Variants in CDH5 observed in about 807,000 individuals in gnomAD.
CDH5 encodes cadherin-5.
Under a neutral mutation model 62.0 loss-of-function variants are expected in CDH5, and 28 were observed. That is an observed-to-expected ratio of 0.45 (90% confidence interval 0.33 to 0.62). The LOEUF is 0.62. CDH5 is among the 20% of genes least tolerant of loss of function. The pLI, the probability that CDH5 is intolerant of heterozygous loss-of-function variation, is 0.02. For synonymous variants in CDH5, 464 were observed against 445.8 expected, an observed-to-expected ratio of 1.04 and a Z score of -0.52; for missense variants, 940 against 1,065.1, an observed-to-expected ratio of 0.88 and a Z score of 1.63.
chr16:66,375,838 T>C (rs984853189), intron 1 of CDH5, among the ~76,000 whole-genome samples: 1 of 148,938 alleles, frequency 6.7e-6, no homozygotes, highest in Admixed American at 6.7e-5. Context: ...CCGGCTACGG[T>C]GGCTCACGCC....
In CDH5 at chr16:66,404,123, C is replaced by T. The variant is rs1206106750; in HGVS notation, c.*954C>T. The T allele has an allele frequency of 6.6e-6, 1 of 152,640 alleles. No homozygotes were observed. Among genetic ancestry groups the T allele is most frequent in the Non-Finnish European group, 1.5e-5 (1 of 68,090 alleles). The allele number at this position is 152,640 out of a possible 1,614,324, so 9.5% of individuals were successfully genotyped here. On this transcript the variant is annotated 3_prime_UTR_variant, in exon 12 of 12. Transcript: ENST00000341529. ...ATGCTCTCTTTCTTTTCTCTGTCTA[C>T]TCCTTATCCCTTGGTTTAGAGGAAC...
At chr16:66,375,733 A>T (rs1960773158) in intron 1 of CDH5, among the ~76,000 whole-genome samples, 1 of 151,952 alleles carries the variant, frequency 6.6e-6, no homozygotes, top group Admixed American at 6.6e-5. Flanking sequence ...AAATTTACTT[A>T]AAAATATTTT....
rs1961326705 is a variant in CDH5 at position 66,403,118 on chromosome 16, G to C, written c.2304G>C (p.Lys768Asn). 6.2e-7 allele frequency: 1 copy of C among 1,613,550 alleles called. No individual in the cohort carries two copies. The highest frequency in any genetic ancestry group is 8.5e-7 in the Non-Finnish European group (1 of 1,179,954). The change falls in exon 12 of 12, where the codon AAG becomes AAC. Residue 768 changes from lysine (K) to asparagine (N), a missense_variant. Lys to Asn is a moderately conservative substitution (Grantham distance 94). Transcript: ENST00000341529. This position sits in a 1 kb window ranked among gnomAD's most constrained non-coding sequence, Gnocchi z 4.3. ...DFLNDWGPRF[K>N]MLAELYGSDP... Reference sequence around the variant, plus strand: ...TTAACGACTGGGGACCCAGGTTTAAGATGCTGGCTGAGCTGTACGGCTCGG... The same window carrying C: ...TTAACGACTGGGGACCCAGGTTTAACATGCTGGCTGAGCTGTACGGCTCGG...
intron 1 of CDH5, among the ~76,000 whole-genome samples, chr16:66,377,009 G>A (rs181344636): frequency 4.6e-5 from 7 of 152,240 alleles, no homozygotes; most frequent in Admixed American, 1.3e-4. Context: ...CCTGTTTCTC[G>A]TTTTCACTTC....
rs1174519256 is a variant in CDH5, at chr16:66,395,018, C to CTTTTTTT, written c.1218-1002_1218-996dup. ...GCACACACCACCACACCAGGCTAAT[C>CTTTTTTT]TTTTTTTTTTTTTTTTTTTTTTTTT... On this transcript the variant is annotated intron_variant, in intron 7 of 11. Transcript: ENST00000341529. Among the ~76,000 whole-genome samples the CTTTTTTT allele has an allele frequency of 3.8e-3, 52 of 13,804 alleles. 17 individuals are homozygous for CTTTTTTT. Among genetic ancestry groups the CTTTTTTT allele is most frequent in the Non-Finnish European group, 4.3e-3 (28 of 6,522 alleles). 9.1% of individuals were successfully genotyped at this position (13,804 alleles called of 152,430 possible).
chr16:66,402,506 G>C, intron 11 of CDH5, 146 bp from the exon 12 acceptor site: 1 of 644,268 alleles, frequency 1.6e-6, no homozygotes, highest in East Asian at 2.9e-5. Flanking sequence ...AAAAGGATGG[G>C]GTTGCAGGGG....
At position 66,402,939 on chromosome 16, in the gene CDH5, A is replaced by G; in HGVS notation, c.2125A>G (p.Ile709Val). 1 of 1,612,452 alleles carries G rather than the reference A, an allele frequency of 6.2e-7. No individual in the cohort carries two copies. Among genetic ancestry groups the G allele is most frequent in the Non-Finnish European group, 8.5e-7 (1 of 1,179,874 alleles). ...HGGPGEMAAM[I>V]EVKKDEADHD... ...AGGGCCCGGGGAGATGGCAGCCATG[A>G]TCGAGGTGAAGAAGGACGAGGCGGA... Residue 709 changes from isoleucine (I) to valine (V), a missense_variant, in exon 12 of 12, where the codon ATC becomes GTC. Coordinates refer to ENST00000341529, the MANE Select transcript of CDH5 (RefSeq NM_001795.5).
At chr16:66,387,214 G>A (rs958514735) in intron 3 of CDH5, 117 bp downstream of exon 3, 1 of 922,640 alleles carries the variant, frequency 1.1e-6, no homozygotes, top group Non-Finnish European at 1.6e-6. Flanking sequence ...GGTAGTGATT[G>A]TAATGCCTGT....
At chr16:66,370,269 G>C (rs1183051107) in intron 1 of CDH5, among the ~76,000 whole-genome samples, 5 of 152,072 alleles carry the variant, frequency 3.3e-5, no homozygotes, top group African/African-American at 1.2e-4. Context: ...CAAAGTGCTG[G>C]GATTTACAGG....
chr16:66,369,544 T>C (rs1278499708), intron 1 of CDH5, among the ~76,000 whole-genome samples: 1 of 152,100 alleles, frequency 6.6e-6, no homozygotes, highest in Non-Finnish European at 1.5e-5. Flanking sequence ...CAGGTTCAAA[T>C]AGGCAGGTGC....
At chr16:66,399,739 A>G (rs928867944) in intron 10 of CDH5, among the ~76,000 whole-genome samples, 12 of 152,342 alleles carry the variant, frequency 7.9e-5, no homozygotes, top group African/African-American at 2.6e-4. Context: ...ACACCCATAT[A>G]CAATAGGAGG....
At chr16:66,382,675 G>A (rs1038880618) in intron 2 of CDH5, among the ~76,000 whole-genome samples, 1 of 152,198 alleles carries the variant, frequency 6.6e-6, no homozygotes, top group African/African-American at 2.4e-5. Context: ...TTTGCCAACA[G>A]CATTCACTTG....
chr16:66,397,640 C>T (rs940786251), intron 8 of CDH5, among the ~76,000 whole-genome samples: 3 of 151,908 alleles, frequency 2.0e-5, no homozygotes, highest in African/African-American at 7.3e-5. Context: ...AGGTTGTTTA[C>T]CTTTTCAATT....
chr16:66,377,292 G>A (rs1323092776), intron 1 of CDH5: 1 of 152,278 alleles, frequency 6.6e-6, no homozygotes, highest in South Asian at 2.1e-4. Context: ...GTCTCTTCCA[G>A]GTTGACCCCC....
At chr16:66,388,771 G>A (rs1480976110) in intron 4 of CDH5, among the ~76,000 whole-genome samples, 1 of 152,162 alleles carries the variant, frequency 6.6e-6, no homozygotes, top group Non-Finnish European at 1.5e-5. Flanking sequence ...AGCCAGCTCT[G>A]CCACTCACCC....
At chr16:66,397,557 T>C (rs1961207798) in intron 8 of CDH5, among the ~76,000 whole-genome samples, 1 of 152,178 alleles carries the variant, frequency 6.6e-6, no homozygotes. Flanking sequence ...AAGATGTAAG[T>C]GACATAGGCA....
rs749579320 is a variant in CDH5, at chr16:66,387,052, A to G, written c.454A>G (p.Thr152Ala). The change falls in exon 3 of 12, where the codon ACG (threonine) becomes GCG (alanine). Residue 152 changes from threonine to alanine, a missense_variant. Coordinates refer to ENST00000341529, the MANE Select transcript of CDH5 (RefSeq NM_001795.5). ...CGTGAACGACAACTGGCCTGTGTTC[A>G]CGCATCGGTTGTTCAATGCGTCCGT... ...HDVNDNWPVF[T>A]HRLFNASVPE... 1 of 1,614,094 alleles carries G rather than the reference A, an allele frequency of 6.2e-7. No homozygotes were observed. The highest frequency in any genetic ancestry group is 8.5e-7 in the Non-Finnish European group (1 of 1,179,996).
intron 1 of CDH5, among the ~76,000 whole-genome samples, chr16:66,371,241 C>T (rs147518830): frequency 6.6e-6 from 1 of 152,298 alleles, no homozygotes; most frequent in African/African-American, 2.4e-5. Flanking sequence ...TGGGTCCCAG[C>T]CCCAACCTGG....
At chr16:66,393,586 A>G (rs962413573) in intron 7 of CDH5, among the ~76,000 whole-genome samples, 1 of 152,186 alleles carries the variant, frequency 6.6e-6, no homozygotes, top group Non-Finnish European at 1.5e-5. Flanking sequence ...CCCATGGTCT[A>G]TCCACCTCCC....
Sources: allele counts gnomAD v4.1 joint callset (sites outside exome capture counted in the v4.1 genomes callset), GRCh38; gene constraint gnomAD v4.1.1; non-coding constraint Gnocchi (gnomAD v3.1); transcripts MANE v1.5; gene names NCBI Gene and HGNC (gene_info 2026-07-23, HGNC 2026-07-21).